Variants in GSG1L observed in about 807,000 individuals in gnomAD.
GSG1L encodes GSG1 like.
A neutral mutation model predicts 42.1 loss-of-function variants in GSG1L; 24 were observed. The ratio of observed to expected loss-of-function variants is 0.57; its 90% confidence interval spans 0.41 to 0.80. The LOEUF (loss-of-function observed/expected upper bound fraction) is 0.80. Ranked by LOEUF, GSG1L falls within the 30% of genes least tolerant of loss-of-function variation. The pLI is 0.00. For missense variants in GSG1L, 445 were observed against 472.2 expected (o/e 0.94, Z 0.53); for synonymous variants, 215 against 203.5 (o/e 1.06, Z -0.48).
chr16:27,958,949 A>G (rs1567534990), intron 2 of GSG1L, among the ~76,000 whole-genome samples: 1 of 151,364 alleles, frequency 6.6e-6, no homozygotes, highest in Admixed American at 6.6e-5. Flanking sequence ...TGCTGGGATT[A>G]CAGGCATGAG....
chr16:27,855,352 C>T (rs1169086142), intron 3 of GSG1L, among the ~76,000 whole-genome samples: 2 of 152,082 alleles, frequency 1.3e-5, no homozygotes, highest in African/African-American at 4.8e-5. Context: ...TCTTTTTGGC[C>T]CAACCTTCAT....
At chr16:27,824,597 A>T (rs1017961172) in intron 5 of GSG1L, among the ~76,000 whole-genome samples, 27 of 152,212 alleles carry the variant, frequency 1.8e-4, no homozygotes, top group African/African-American at 5.8e-4. Context: ...CTAAGCTGAA[A>T]TGCTCTCCTC....
At chr16:27,824,059 C>A (rs148460233) in intron 5 of GSG1L, 9 of 647,408 alleles carry the variant, frequency 1.4e-5, no homozygotes, top group African/African-American at 1.1e-4. Flanking sequence ...GAAATACCCT[C>A]GCCATCTCCA....
In GSG1L at chr16:27,804,282, T is replaced by G. The variant is rs544185282; in HGVS notation, c.898+3205A>C. On this transcript the variant is annotated intron_variant, in intron 6 of 6. Transcript: ENST00000447459. ...ATTGCCCTCCCTGCCTCAGCCACCCTGGTCTCCTGGCTATTCCACAAGCAC... is the reference window on the plus strand; with the variant it reads ...ATTGCCCTCCCTGCCTCAGCCACCCGGGTCTCCTGGCTATTCCACAAGCAC... Among the ~76,000 whole-genome samples, 6 of 152,222 alleles carry G rather than the reference T, an allele frequency of 3.9e-5. No individual in the cohort carries two copies. The South Asian group carries it at 1.2e-3, about 32-fold the overall frequency.
chr16:28,023,866 CA>C (rs1450501308), intron 1 of GSG1L, among the ~76,000 whole-genome samples: 1 of 151,370 alleles, frequency 6.6e-6, no homozygotes, highest in Non-Finnish European at 1.5e-5. Flanking sequence ...CTCTACAAAA[CA>C]AAAAACAAAA....
At chr16:27,839,408 A>C (rs2083354761) in intron 4 of GSG1L, among the ~76,000 whole-genome samples, 1 of 152,234 alleles carries the variant, frequency 6.6e-6, no homozygotes, top group Non-Finnish European at 1.5e-5. Context: ...CTGTGTGTGC[A>C]GGAGTAAGAG....
At chr16:27,800,718 A>C (rs1225172180) in intron 6 of GSG1L, among the ~76,000 whole-genome samples, 1 of 152,208 alleles carries the variant, frequency 6.6e-6, no homozygotes, top group East Asian at 1.9e-4. Context: ...GTAATTGCTA[A>C]TATAAAAGTG....
At chr16:27,989,093 A>G (rs1000623246) in intron 1 of GSG1L, among the ~76,000 whole-genome samples, 21 of 151,862 alleles carry the variant, frequency 1.4e-4, no homozygotes, top group Non-Finnish European at 2.6e-4. Flanking sequence ...AAAAGAAAGA[A>G]AAAAAGGAGA....
intron 1 of GSG1L, among the ~76,000 whole-genome samples, chr16:27,971,771 C>T (rs2085195750): frequency 6.6e-6 from 1 of 152,076 alleles, no homozygotes; most frequent in Non-Finnish European, 1.5e-5. Flanking sequence ...TTGTTGTTAG[C>T]TGTGGGGTTT....
chr16:27,796,424 T>C (rs962507022), intron 6 of GSG1L, among the ~76,000 whole-genome samples: 1 of 152,248 alleles, frequency 6.6e-6, no homozygotes, highest in Admixed American at 6.5e-5. Flanking sequence ...TTCAGAGGTG[T>C]CATCACATAT....
intron 1 of GSG1L, among the ~76,000 whole-genome samples, chr16:28,010,184 G>A (rs935896107): frequency 6.6e-6 from 1 of 152,126 alleles, no homozygotes; most frequent in Non-Finnish European, 1.5e-5. Flanking sequence ...CTGTGCAATG[G>A]AACCTCCCAC....
At chr16:27,863,005 A>G (rs916556722) in intron 3 of GSG1L, among the ~76,000 whole-genome samples, 3 of 152,034 alleles carry the variant, frequency 2.0e-5, no homozygotes, top group African/African-American at 7.2e-5. Context: ...TCAGTAGCTC[A>G]GTTCACTTTT....
chr16:27,915,288 G>A (rs778552883), intron 2 of GSG1L, among the ~76,000 whole-genome samples: 1 of 151,662 alleles, frequency 6.6e-6, no homozygotes, highest in Admixed American at 6.6e-5. Flanking sequence ...GAGGGGCAGG[G>A]TGGGGGCAGA....
At chr16:28,060,072 G>A (rs557345306) in intron 1 of GSG1L, among the ~76,000 whole-genome samples, 41 of 152,156 alleles carry the variant, frequency 2.7e-4, no homozygotes, top group Non-Finnish European at 5.0e-4. Context: ...TCTCCTGGTT[G>A]GTGTTCGCAT....
At chr16:27,801,792 A>G (rs1464336287) in intron 6 of GSG1L, among the ~76,000 whole-genome samples, 1 of 152,162 alleles carries the variant, frequency 6.6e-6, no homozygotes, top group African/African-American at 2.4e-5. Context: ...CAGCTTTGCT[A>G]CTTTCTAGCT....
chr16:28,039,603 GCACA>G (rs34252812), intron 1 of GSG1L, among the ~76,000 whole-genome samples: 1 of 150,882 alleles, frequency 6.6e-6, no homozygotes, highest in Non-Finnish European at 1.5e-5. Context: ...ACCCACACTT[GCACA>G]CACACACACA....
At chr16:28,035,717 G>A (rs553521263) in intron 1 of GSG1L, among the ~76,000 whole-genome samples, 28 of 152,280 alleles carry the variant, frequency 1.8e-4, no homozygotes, top group Non-Finnish European at 8.8e-5. Flanking sequence ...GACAACTTAA[G>A]AATCAGAGAT....
chr16:27,960,505 G>A (rs1400239173), intron 2 of GSG1L, among the ~76,000 whole-genome samples: 1 of 152,172 alleles, frequency 6.6e-6, no homozygotes, highest in African/African-American at 2.4e-5. Flanking sequence ...ATAACATAGG[G>A]AAAGAGTATT....
intron 1 of GSG1L, among the ~76,000 whole-genome samples, chr16:28,015,961 G>A (rs2085775383): frequency 6.6e-6 from 1 of 152,148 alleles, no homozygotes; most frequent in South Asian, 2.1e-4. Context: ...CAATAGGCCA[G>A]TGGCAAAGGC....
Sources: allele counts gnomAD v4.1 joint callset (sites outside exome capture counted in the v4.1 genomes callset), GRCh38; gene constraint gnomAD v4.1.1; transcripts MANE v1.5; gene names NCBI Gene and HGNC (gene_info 2026-07-23, HGNC 2026-07-21).